LARP1B: variants seen among roughly 807,000 people sequenced by gnomAD.
LARP1B encodes the protein La ribonucleoprotein 1B.
Under a neutral mutation model 114.2 loss-of-function variants are expected in LARP1B, and 76 were observed. The observed-to-expected ratio is 0.67, with a 90% CI of 0.55 to 0.81. The LOEUF (loss-of-function observed/expected upper bound fraction) is 0.81, where lower values mean the gene tolerates loss of function less well. Among genes scored for constraint, LARP1B ranks in the 30% least tolerant of loss-of-function variants. The pLI is 0.00. For missense variants in LARP1B, 1,014 were observed against 1,075.8 expected (o/e 0.94, Z 0.80); for synonymous variants, 345 against 348.0 (o/e 0.99, Z 0.10).
intron 15 of LARP1B, among the ~76,000 whole-genome samples, chr4:128,188,973 T>C (rs749285775): frequency 9.9e-5 from 15 of 152,174 alleles, no homozygotes; most frequent in Non-Finnish European, 1.3e-4. Flanking sequence ...TATTCTGCAG[T>C]AGTAGGTGAA....
Position 128,211,833 on chromosome 4 carries a change from A to G in LARP1B, c.*1780A>G, listed in dbSNP as rs1759030077. The G allele has an allele frequency of 1.4e-6, 1 of 715,514 alleles. No individual in the cohort carries two copies. Among genetic ancestry groups the G allele is most frequent in the South Asian group, 6.5e-5 (1 of 15,334 alleles). 44.3% of individuals were successfully genotyped at this position (715,514 alleles called of 1,614,324 possible). On this transcript the variant is annotated 3_prime_UTR_variant, in exon 20 of 20. Coordinates refer to ENST00000326639, the MANE Select transcript of LARP1B (RefSeq NM_018078.4). ...AAATTTGATTGGAAAATTGTATATTATAAATGAAAATACAATAATCAGGAG... is the reference window on the plus strand; with the variant it reads ...AAATTTGATTGGAAAATTGTATATTGTAAATGAAAATACAATAATCAGGAG...
intron 15 of LARP1B, 108 bp from the exon 16 acceptor site, chr4:128,199,331 C>A (rs1052424228): frequency 2.6e-6 from 2 of 778,490 alleles, no homozygotes; most frequent in Non-Finnish European, 3.8e-6. Context: ...GGACTACTGT[C>A]TTTTCCACTG....
intron 1 of LARP1B, among the ~76,000 whole-genome samples, chr4:128,064,864 T>G (rs1761787829): frequency 6.6e-6 from 1 of 152,132 alleles, no homozygotes; most frequent in South Asian, 2.1e-4. Context: ...TGCCTGTGAA[T>G]AGCCACTGCA....
rs114250200 is a variant in LARP1B, at chr4:128,184,791, A to G, written c.2003+5279A>G. Among the ~76,000 whole-genome samples the G allele has an allele frequency of 3.0e-3, 462 of 152,158 alleles. 4 individuals are homozygous for G. The highest frequency in any genetic ancestry group is 0.011 in the African/African-American group (442 of 41,514). On this transcript the variant is annotated intron_variant, in intron 15 of 19. Coordinates refer to ENST00000326639, the MANE Select transcript of LARP1B (RefSeq NM_018078.4). ...AGCACTAATCAACTCTCTTATCTCTATGAGATCTACTTTTTTACCTCCCAC... is the reference window on the plus strand; with the variant it reads ...AGCACTAATCAACTCTCTTATCTCTGTGAGATCTACTTTTTTACCTCCCAC...
chr4:128,072,594 T>C (rs1765811198), intron 1 of LARP1B, among the ~76,000 whole-genome samples: 1 of 152,080 alleles, frequency 6.6e-6, no homozygotes, highest in Admixed American at 6.6e-5. Flanking sequence ...TCTCACTCTG[T>C]TGCCCAGGCT....
chr4:128,182,827 C>G (rs1749024398), intron 15 of LARP1B, among the ~76,000 whole-genome samples: 1 of 152,132 alleles, frequency 6.6e-6, no homozygotes, highest in Non-Finnish European at 1.5e-5. Context: ...AGTGAATACA[C>G]AAATGATAAG....
chr4:128,106,076 T>A (rs935328009), intron 8 of LARP1B, among the ~76,000 whole-genome samples: 1 of 151,510 alleles, frequency 6.6e-6, no homozygotes, highest in Non-Finnish European at 1.5e-5. Context: ...CAGGCTGGAG[T>A]CCAGTGGCGC....
intron 11 of LARP1B, among the ~76,000 whole-genome samples, chr4:128,135,142 T>TAAATAAAA (rs1475442066): frequency 2.9e-5 from 4 of 139,708 alleles, no homozygotes; most frequent in Non-Finnish European, 3.2e-5. Context: ...AATAAATAAA[T>TAAATAAAA]AAAAAGGATA....
intron 4 of LARP1B, among the ~76,000 whole-genome samples, chr4:128,081,016 CAG>C (rs1324246129): frequency 6.7e-6 from 1 of 150,242 alleles, no homozygotes; most frequent in African/African-American, 2.5e-5. Flanking sequence ...TTAAATTAAA[CAG>C]ATTTTTTTTT....
intron 15 of LARP1B, among the ~76,000 whole-genome samples, chr4:128,191,728 C>G (rs960687757): frequency 6.6e-6 from 1 of 152,142 alleles, no homozygotes; most frequent in Non-Finnish European, 1.5e-5. Flanking sequence ...TCCTGCTTCC[C>G]CTCTTTTTCT....
chr4:128,222,440 C>CA (rs1760096006), exon 8 of LARP1B: 1 of 447,098 alleles, frequency 2.2e-6, no homozygotes, highest in African/African-American at 2.0e-5. Flanking sequence ...CTCCTGGGCT[C>CA]AGTGACACTC....
At chr4:128,204,867 TA>T (rs71587377) in intron 17 of LARP1B, among the ~76,000 whole-genome samples, 2 of 149,626 alleles carry the variant, frequency 1.3e-5, no homozygotes, top group Admixed American at 6.7e-5. Flanking sequence ...TTTTAAAAAT[TA>T]AAAAAAAAGA....
At chr4:128,061,020 G>A (rs1324599470), upstream of LARP1B, among the ~76,000 whole-genome samples, 1 of 152,018 alleles carries the variant, frequency 6.6e-6, no homozygotes, top group Non-Finnish European at 1.5e-5. Context: ...CAGGCCGCGA[G>A]CCAGCCGCGA....
rs1475420723 is a variant in LARP1B, at chr4:128,100,242, C to T, written c.813+1912C>T. 3.9e-5 allele frequency among the ~76,000 whole-genome samples: 6 copies of T among 152,120 alleles called. No individual in the cohort carries two copies. The East Asian group carries it at 9.7e-4, about 25-fold the overall frequency. On this transcript the variant is annotated intron_variant, in intron 8 of 19. Transcript: ENST00000326639. ...CCTCCCAAAGTGCCGGGATTACAGG[C>T]ATGAGCTACCGCGCGCCTGGCCTGA...
At chr4:128,126,064 G>C (rs1488426520) in intron 11 of LARP1B, among the ~76,000 whole-genome samples, 1 of 151,518 alleles carries the variant, frequency 6.6e-6, no homozygotes, top group Non-Finnish European at 1.5e-5. Context: ...GATCTCGCAT[G>C]TGAGAATGAG....
At chr4:128,110,785 C>G (rs1041387616) in intron 9 of LARP1B, among the ~76,000 whole-genome samples, 1 of 149,180 alleles carries the variant, frequency 6.7e-6, no homozygotes, top group Non-Finnish European at 1.5e-5. Context: ...GTTTTCTTGT[C>G]TTACCCAAAT....
intron 17 of LARP1B, among the ~76,000 whole-genome samples, chr4:128,204,116 A>G (rs1024142197): frequency 6.6e-6 from 1 of 152,226 alleles, no homozygotes; most frequent in African/African-American, 2.4e-5. Flanking sequence ...TATTCAATAT[A>G]AATGTTGTAT....
Position 128,211,683 on chromosome 4 carries a change from T to C in LARP1B, c.*1630T>C, listed in dbSNP as rs1380135903. Reference sequence around the variant, plus strand: ...TCAGTGAGAAATTTCCAAACCGTGCTTATTAGCTTTAAATGGTCTCTTGAA... The same window carrying C: ...TCAGTGAGAAATTTCCAAACCGTGCCTATTAGCTTTAAATGGTCTCTTGAA... On this transcript the variant is annotated 3_prime_UTR_variant, in exon 20 of 20. Transcript: ENST00000326639. The C allele has an allele frequency of 5.1e-6, 5 of 985,212 alleles. No homozygotes were observed. The highest frequency in any genetic ancestry group is 6.0e-6 in the Non-Finnish European group (5 of 829,842). 61.0% of individuals were successfully genotyped at this position (985,212 alleles called of 1,614,324 possible).
At chr4:128,099,823 C>G (rs545242958) in intron 8 of LARP1B, among the ~76,000 whole-genome samples, 29 of 152,188 alleles carry the variant, frequency 1.9e-4, no homozygotes, top group African/African-American at 6.7e-4. Flanking sequence ...AAAATGCCAA[C>G]CTATTGTCCA....
Sources: allele counts gnomAD v4.1 joint callset (sites outside exome capture counted in the v4.1 genomes callset), GRCh38; gene constraint gnomAD v4.1.1; transcripts MANE v1.5; gene names NCBI Gene and HGNC (gene_info 2026-07-23, HGNC 2026-07-21).